The following CLEC16A variants were observed in gnomAD, a reference collection of about 807,000 sequenced individuals.
CLEC16A encodes the protein protein CLEC16A.
In CLEC16A, 51 loss-of-function variants were observed where a neutral mutation model predicts 109.5. That is an observed-to-expected ratio of 0.47 (90% CI 0.37 to 0.59). The LOEUF is 0.59. Ranked by LOEUF, CLEC16A falls within the 20% of genes least tolerant of loss-of-function variation. The pLI, the probability that CLEC16A is intolerant of heterozygous loss-of-function variation, is 0.00. For missense variants in CLEC16A, 1,339 were observed against 1,394.0 expected (o/e 0.96, Z 0.63); for synonymous variants, 673 against 564.2 (o/e 1.19, Z -2.73).
intron 10 of CLEC16A, among the ~76,000 whole-genome samples, chr16:10,983,762 C>T (rs2043463023): frequency 6.6e-6 from 1 of 152,078 alleles, no homozygotes; most frequent in Non-Finnish European, 1.5e-5. Context: ...CTTGCTTTTC[C>T]CCCAGCATGT....
chr16:10,964,617 T>G (rs1375281137), intron 3 of CLEC16A, among the ~76,000 whole-genome samples: 2 of 152,142 alleles, frequency 1.3e-5, no homozygotes, highest in East Asian at 3.8e-4. Flanking sequence ...AACATCACCC[T>G]CAGTGTCCCT....
intron 19 of CLEC16A, among the ~76,000 whole-genome samples, chr16:11,100,386 C>T (rs909205633): frequency 1.3e-5 from 2 of 152,206 alleles, no homozygotes; most frequent in Admixed American, 6.5e-5. Flanking sequence ...GCACACGGCC[C>T]GGCCAAAGTG....
chr16:11,019,757 G>A (rs1244830693), intron 11 of CLEC16A, among the ~76,000 whole-genome samples: 2 of 145,086 alleles, frequency 1.4e-5, no homozygotes, highest in Non-Finnish European at 3.0e-5. Flanking sequence ...TGACAAGAGC[G>A]AGACTCTGTC....
At chr16:11,104,916 G>C (rs187446894) in intron 19 of CLEC16A, among the ~76,000 whole-genome samples, 1 of 152,166 alleles carries the variant, frequency 6.6e-6, no homozygotes, top group Non-Finnish European at 1.5e-5. Context: ...GAGGGCTTCC[G>C]AAGACCAGGA....
In CLEC16A at chr16:10,960,555, C is replaced by T. The variant is rs971025427; in HGVS notation, c.210-1900C>T. On this transcript the variant is annotated intron_variant, in intron 2 of 23. Coordinates refer to ENST00000409790, the MANE Select transcript of CLEC16A (RefSeq NM_015226.3). The stretch of plus-strand genomic sequence containing the variant: ...CTTTATCACCTGGTTAAGGTGCTGT[C>T]TGCCAGGTTTCTCTACTATAAAGCT... Among the ~76,000 whole-genome samples the T allele has an allele frequency of 5.9e-5, 9 of 152,190 alleles. 1 individual carries two copies. Among genetic ancestry groups the T allele is most frequent in the African/African-American group, 2.2e-4 (9 of 41,450 alleles).
At chr16:11,016,299 T>A (rs2045743429) in intron 11 of CLEC16A, among the ~76,000 whole-genome samples, 1 of 151,752 alleles carries the variant, frequency 6.6e-6, no homozygotes, top group African/African-American at 2.4e-5. Context: ...AAGAGAATTA[T>A]GTTTCCCCGA....
intron 22 of CLEC16A, among the ~76,000 whole-genome samples, chr16:11,161,013 G>T (rs756883117): frequency 6.6e-6 from 1 of 152,200 alleles, no homozygotes; most frequent in Non-Finnish European, 1.5e-5. Context: ...TCTGGGTTCT[G>T]TAACTGCAAC....
At chr16:11,020,775 G>T (rs1397878656) in intron 12 of CLEC16A, among the ~76,000 whole-genome samples, 1 of 152,230 alleles carries the variant, frequency 6.6e-6, no homozygotes, top group Non-Finnish European at 1.5e-5. Context: ...CACATGAGTT[G>T]GTGCTGCCAT....
intron 19 of CLEC16A, among the ~76,000 whole-genome samples, chr16:11,089,200 A>C (rs761358166): frequency 6.6e-6 from 1 of 152,220 alleles, no homozygotes; most frequent in Non-Finnish European, 1.5e-5. Flanking sequence ...TTTTTACTAA[A>C]TGAATGACAG....
intron 19 of CLEC16A, among the ~76,000 whole-genome samples, chr16:11,090,785 C>G (rs1462767434): frequency 6.7e-6 from 1 of 148,748 alleles, no homozygotes; most frequent in Non-Finnish European, 1.5e-5. Flanking sequence ...GCTGGGATTA[C>G]AGGCATGCGC....
chr16:11,114,230 C>T (rs556165255), intron 19 of CLEC16A, among the ~76,000 whole-genome samples: 222 of 151,004 alleles, frequency 1.5e-3, no homozygotes, highest in African/African-American at 5.3e-3. Flanking sequence ...CTGTGAATGG[C>T]CTATGCAAAT....
chr16:11,172,883 T>C (rs1423835972), intron 23 of CLEC16A, among the ~76,000 whole-genome samples: 1 of 152,168 alleles, frequency 6.6e-6, no homozygotes, highest in African/African-American at 2.4e-5. Context: ...AGCGGGACTC[T>C]GTCTCAAAAC....
At chr16:11,142,049 G>A (rs1032581273) in intron 22 of CLEC16A, among the ~76,000 whole-genome samples, 6 of 152,186 alleles carry the variant, frequency 3.9e-5, no homozygotes, top group Non-Finnish European at 8.8e-5. Context: ...TCATCGAGCT[G>A]CCAGCACTGG....
At chr16:11,015,132 C>T (rs1022477514) in intron 11 of CLEC16A, among the ~76,000 whole-genome samples, 2 of 152,188 alleles carry the variant, frequency 1.3e-5, no homozygotes, top group Admixed American at 1.3e-4. Flanking sequence ...GAGCAAGAAA[C>T]CTTTCCTTGA....
At chr16:11,113,333 A>C (rs1439743208) in intron 19 of CLEC16A, among the ~76,000 whole-genome samples, 1 of 152,210 alleles carries the variant, frequency 6.6e-6, no homozygotes, top group Non-Finnish European at 1.5e-5. Flanking sequence ...TTCAATTTTA[A>C]GTGTGCAAAT....
chr16:11,178,282 G>T lies in CLEC16A; in HGVS notation c.2807-53G>T. The T allele has an allele frequency of 6.7e-7, 1 of 1,501,784 alleles. No individual in the cohort carries two copies. Among genetic ancestry groups the T allele is most frequent in the South Asian group, 1.2e-5 (1 of 81,110 alleles). 93.0% of individuals were successfully genotyped at this position (1,501,784 alleles called of 1,614,324 possible). A position where few individuals can be genotyped will look rare whatever the true frequency, so the allele number is the denominator to read the frequency against. On this transcript the variant is annotated intron_variant, in intron 23 of 23. Transcript: ENST00000409790. This position sits in a 1 kb window ranked among gnomAD's most constrained non-coding sequence, Gnocchi z 6.5. ...AGGATGGGAGCACAGGGCGCAGTGC[G>T]ACGGGGTGTCTCAAGGGCTCAGTGT...
At chr16:11,015,751 A>G (rs1018149176) in intron 11 of CLEC16A, among the ~76,000 whole-genome samples, 1 of 152,268 alleles carries the variant, frequency 6.6e-6, no homozygotes, top group African/African-American at 2.4e-5. Context: ...ACTACGTCAC[A>G]AAGCTTGGCC....
chr16:11,166,849 A>G (rs2068286591), intron 23 of CLEC16A, among the ~76,000 whole-genome samples: 1 of 152,234 alleles, frequency 6.6e-6, no homozygotes, highest in South Asian at 2.1e-4. Flanking sequence ...CCACCCTATC[A>G]TCACCTCCAC....
intron 11 of CLEC16A, among the ~76,000 whole-genome samples, chr16:11,012,318 G>A (rs747904235): frequency 5.3e-5 from 8 of 152,114 alleles, no homozygotes; most frequent in Non-Finnish European, 1.2e-4. Context: ...TTTATGGGCC[G>A]GGCACGGTGG....
Sources: allele counts gnomAD v4.1 joint callset (sites outside exome capture counted in the v4.1 genomes callset), GRCh38; gene constraint gnomAD v4.1.1; non-coding constraint Gnocchi (gnomAD v3.1); transcripts MANE v1.5; gene names NCBI Gene and HGNC (gene_info 2026-07-23, HGNC 2026-07-21).